The following SH2D4B variants were observed in gnomAD, a reference collection of about 807,000 sequenced individuals.
The protein encoded by SH2D4B is SH2 domain-containing protein 4B.
A neutral mutation model predicts 61.5 loss-of-function variants in SH2D4B; 45 were observed. The ratio of observed to expected loss-of-function variants is 0.73; its 90% CI spans 0.58 to 0.94. The LOEUF is 0.94. Ranked by LOEUF, SH2D4B falls within the 40% of genes least tolerant of loss-of-function variation. The pLI is 0.00. For missense variants in SH2D4B, 572 were observed against 574.2 expected, an observed-to-expected ratio of 1.00 and a Z score of 0.04; for synonymous variants, 224 against 220.4, an observed-to-expected ratio of 1.02 and a Z score of -0.14.
intron 6 of SH2D4B, among the ~76,000 whole-genome samples, chr10:80,618,487 T>C (rs574668904): frequency 6.6e-6 from 1 of 152,110 alleles, no homozygotes; most frequent in South Asian, 2.1e-4. Flanking sequence ...TTTGGCGTTA[T>C]AAAAAAAAGA....
intron 4 of SH2D4B, among the ~76,000 whole-genome samples, chr10:80,601,203 C>T (rs12360005): frequency 0.12 from 17,672 of 152,160 alleles, 1,202 homozygotes; most frequent in East Asian, 0.25. Flanking sequence ...GGAATGGCCT[C>T]TTCCCTTTTC....
intron 1 of SH2D4B, among the ~76,000 whole-genome samples, chr10:80,545,346 C>T (rs373143262): frequency 2.0e-4 from 31 of 151,914 alleles, no homozygotes; most frequent in African/African-American, 7.0e-4. Context: ...TCTCTCTCTT[C>T]CTCTTCTTCC....
chr10:80,583,855 A>G (rs192179862), intron 3 of SH2D4B, among the ~76,000 whole-genome samples: 26 of 152,346 alleles, frequency 1.7e-4, no homozygotes, highest in Admixed American at 9.8e-4. Flanking sequence ...GAGACTACAG[A>G]CTGAAAGTAC....
intron 1 of SH2D4B, among the ~76,000 whole-genome samples, chr10:80,548,207 C>T (rs1487177223): frequency 6.6e-6 from 1 of 152,214 alleles, no homozygotes; most frequent in Non-Finnish European, 1.5e-5. Flanking sequence ...CTCTGTCGCC[C>T]AGGCTGGAGT....
At chr10:80,596,246 C>A (rs2132134964) in intron 4 of SH2D4B, among the ~76,000 whole-genome samples, 1 of 152,346 alleles carries the variant, frequency 6.6e-6, no homozygotes. Context: ...TGAACTATTT[C>A]ATGCCCATTC....
chr10:80,609,054 G>T (rs957111060), intron 5 of SH2D4B, among the ~76,000 whole-genome samples: 2 of 152,108 alleles, frequency 1.3e-5, no homozygotes, highest in African/African-American at 4.8e-5. Context: ...CGTGCTCGAG[G>T]GAAAATGTGC....
intron 6 of SH2D4B, among the ~76,000 whole-genome samples, chr10:80,631,003 T>C (rs1317575184): frequency 6.6e-6 from 1 of 152,228 alleles, no homozygotes. Flanking sequence ...CGTTTTGGCA[T>C]GTTAAAAGTC....
intron 3 of SH2D4B, among the ~76,000 whole-genome samples, chr10:80,584,995 C>T (rs551821246): frequency 1.4e-4 from 22 of 152,312 alleles, no homozygotes; most frequent in Non-Finnish European, 2.8e-4. Context: ...GGATTGGGTT[C>T]TGGTGAAGCT....
intron 3 of SH2D4B, among the ~76,000 whole-genome samples, chr10:80,586,050 C>G (rs1244675018): frequency 1.3e-5 from 2 of 152,188 alleles, no homozygotes; most frequent in African/African-American, 4.8e-5. Context: ...GCTGGGTCCC[C>G]CAGCAGTGCC....
At chr10:80,576,558 G>T (rs1164658222) in intron 3 of SH2D4B, among the ~76,000 whole-genome samples, 2 of 152,088 alleles carry the variant, frequency 1.3e-5, no homozygotes, top group Non-Finnish European at 2.9e-5. Context: ...CTGCCCTTTT[G>T]CTGTGTGGAA....
At chr10:80,604,126 G>T (rs1299881648) in intron 5 of SH2D4B, among the ~76,000 whole-genome samples, 1 of 152,176 alleles carries the variant, frequency 6.6e-6, no homozygotes, top group Non-Finnish European at 1.5e-5. Context: ...GACTCTAAGG[G>T]CCTCCGGCTA....
chr10:80,549,598 C>A (rs1841730468), intron 1 of SH2D4B, among the ~76,000 whole-genome samples: 2 of 152,220 alleles, frequency 1.3e-5, no homozygotes, highest in Admixed American at 1.3e-4. Flanking sequence ...GAGCCATGTG[C>A]AAAGTGCCTG....
intron 5 of SH2D4B, among the ~76,000 whole-genome samples, chr10:80,607,741 T>C (rs1376701474): frequency 6.6e-6 from 1 of 152,176 alleles, no homozygotes; most frequent in Non-Finnish European, 1.5e-5. Context: ...ATTGATTTTA[T>C]AAAAAACAAG....
Position 80,539,094 on chromosome 10 carries a change from A to G in SH2D4B, c.184+579A>G, listed in dbSNP as rs1318106051. On this transcript the variant is annotated intron_variant, in intron 1 of 7. Coordinates refer to ENST00000646907, the MANE Select transcript of SH2D4B (RefSeq NM_001388272.1). The surrounding 1 kb of genome is among the most constrained non-coding windows in gnomAD (Gnocchi z 4.9). ...CCCACACAATGAATGACCATCCCCA[A>G]ATGGTCGTAGCAACTGCAGATGAGA... Among the ~76,000 whole-genome samples the G allele has an allele frequency of 6.6e-6, 1 of 152,164 alleles. No homozygotes were observed. The highest frequency in any genetic ancestry group is 1.9e-4 in the East Asian group (1 of 5,178).
At chr10:80,593,357 T>A (rs1214540446) in intron 4 of SH2D4B, among the ~76,000 whole-genome samples, 1 of 152,240 alleles carries the variant, frequency 6.6e-6, no homozygotes, top group African/African-American at 2.4e-5. Flanking sequence ...TTTATCTAAG[T>A]CTTTAAAAAT....
At chr10:80,568,703 GC>G (rs1004183294) in intron 1 of SH2D4B, among the ~76,000 whole-genome samples, 2 of 152,194 alleles carry the variant, frequency 1.3e-5, no homozygotes, top group African/African-American at 4.8e-5. Context: ...ATGAAGAGAT[GC>G]TTTTTCAATC....
At position 80,538,510 on chromosome 10, in the gene SH2D4B, A is replaced by T; in HGVS notation, c.179A>T (p.Lys60Met). 7.2e-7 allele frequency: 1 copy of T among 1,392,992 alleles called. No homozygotes were observed. Among genetic ancestry groups the T allele is most frequent in the East Asian group, 2.7e-5 (1 of 37,144 alleles). The allele number at this position is 1,392,992 out of a possible 1,614,324, so 86.3% of individuals were successfully genotyped here. Residue 60 changes from lysine to methionine, a missense_variant, in exon 1 of 8, where the codon AAG (lysine) becomes ATG (methionine). Physicochemically the swap from Lys to Met is moderately conservative, Grantham distance 95 (BLOSUM62 -1). Transcript: ENST00000646907. The surrounding 1 kb of genome is among the most constrained non-coding windows in gnomAD (Gnocchi z 4.8). ...QDEGLRPPKT[K>M]RAASDKHIQW... is the part of the protein sequence containing the mutation. ...GAGGGTCTCAGGCCTCCAAAGACCA[A>T]GCGAGGTACGTGGCTGGGAGTCACA...
chr10:80,606,629 T>C (rs60120095), intron 5 of SH2D4B, among the ~76,000 whole-genome samples: 2,812 of 152,320 alleles, frequency 0.018, 45 homozygotes, highest in East Asian at 0.1. Context: ...ATTGCAGCCA[T>C]GAGTCACTGT....
At chr10:80,626,382 G>C (rs1387653742) in intron 6 of SH2D4B, among the ~76,000 whole-genome samples, 1 of 152,130 alleles carries the variant, frequency 6.6e-6, no homozygotes, top group Non-Finnish European at 1.5e-5. Flanking sequence ...TCTTTGTAGT[G>C]ATTTGCATTT....
Sources: gnomAD v4.1 joint callset for allele counts (sites outside exome capture counted in the v4.1 genomes callset) on GRCh38, gnomAD v4.1.1 for gene constraint, Gnocchi (gnomAD v3.1) non-coding constraint, MANE v1.5 for transcripts, NCBI Gene and HGNC (gene_info 2026-07-23, HGNC 2026-07-21) for gene names.